The following LDLRAD4 variants were observed in gnomAD, a reference collection of about 807,000 sequenced individuals.
LDLRAD4 encodes the protein low density lipoprotein receptor class A domain containing 4.
A neutral mutation model predicts 17.0 loss-of-function variants in LDLRAD4; 5 were observed. The ratio of observed to expected loss-of-function variants is 0.29; its 90% confidence interval spans 0.15 to 0.62. The LOEUF is 0.62. Among genes scored for constraint, LDLRAD4 ranks in the 20% least tolerant of loss-of-function variants. LDLRAD4 has a pLI of 0.84. For missense variants in LDLRAD4, 340 were observed against 424.7 expected (o/e 0.80, Z 1.75); for synonymous variants, 168 against 171.8 (o/e 0.98, Z 0.17).
intron 1 of LDLRAD4, among the ~76,000 whole-genome samples, chr18:13,244,567 G>A (rs1280842489): frequency 1.3e-5 from 2 of 152,140 alleles, no homozygotes; most frequent in Non-Finnish European, 2.9e-5. Context: ...TTATAATTAC[G>A]AATGAATCCT....
chr18:13,439,119 C>T (rs1257401937), intron 3 of LDLRAD4, among the ~76,000 whole-genome samples: 1 of 151,982 alleles, frequency 6.6e-6, no homozygotes, highest in Non-Finnish European at 1.5e-5. Context: ...GGCCGACCCT[C>T]CTCACACGGC....
chr18:13,509,894 A>G (rs1020862983), intron 3 of LDLRAD4, among the ~76,000 whole-genome samples: 1 of 152,218 alleles, frequency 6.6e-6, no homozygotes, highest in Admixed American at 6.5e-5. Flanking sequence ...TTACAACACA[A>G]TGAAGGCTCA....
chr18:13,224,408 G>C (rs1300008008), intron 1 of LDLRAD4, among the ~76,000 whole-genome samples: 1 of 151,424 alleles, frequency 6.6e-6, no homozygotes, highest in African/African-American at 2.4e-5. Flanking sequence ...CCCACCAGCT[G>C]TCTCTTCACT....
At chr18:13,320,094 A>G (rs1280933609) in intron 1 of LDLRAD4, among the ~76,000 whole-genome samples, 2 of 152,226 alleles carry the variant, frequency 1.3e-5, no homozygotes, top group African/African-American at 2.4e-5. Flanking sequence ...CCATCCTGAG[A>G]TTTCAACTTT....
chr18:13,446,139 C>G (rs1369634417), intron 3 of LDLRAD4, among the ~76,000 whole-genome samples: 1 of 152,108 alleles, frequency 6.6e-6, no homozygotes, highest in African/African-American at 2.4e-5. Flanking sequence ...CGAGTGCTCA[C>G]TGTTTACATG....
At position 13,390,894 on chromosome 18, in the gene LDLRAD4, C is replaced by T. The variant is rs368773155; in HGVS notation, c.40+3132C>T. ...CTGGGTCCCTGGAGACTTGGCTCAT[C>T]ATTTTTATTCTTGGTCTCCCTTCCC... On this transcript the variant is annotated intron_variant, in intron 2 of 5. Coordinates refer to ENST00000359446, the Ensembl canonical transcript of LDLRAD4. Among the ~76,000 whole-genome samples the T allele has an allele frequency of 3.9e-5, 6 of 152,282 alleles. No homozygotes were observed. In the East Asian group the frequency reaches 1.2e-3, roughly 29 times the overall value.
chr18:13,433,787 T>TTATAAATATTATAACC lies in LDLRAD4; in HGVS notation c.41-4456_41-4455insATAAATATTATAACCT, dbSNP rs1243282954. Among the ~76,000 whole-genome samples the TTATAAATATTATAACC allele has an allele frequency of 3.9e-5, 6 of 152,304 alleles. No homozygotes were observed. In the South Asian group the frequency reaches 1.2e-3, roughly 32 times the overall value. On this transcript the variant is annotated intron_variant, in intron 2 of 5. Coordinates refer to ENST00000359446, the Ensembl canonical transcript of LDLRAD4. ...GTTTTAGGGCTCCTAAAATTCCCTGTTTTTTCAAAGGTTATAAAATATTAG... is the reference window on the plus strand; with the variant it reads ...GTTTTAGGGCTCCTAAAATTCCCTGTTATAAATATTATAACCTTTTTCAAAGGTTATAAAATATTAG...
chr18:13,292,466 G>A (rs1186643476), intron 1 of LDLRAD4, among the ~76,000 whole-genome samples: 2 of 152,194 alleles, frequency 1.3e-5, no homozygotes, highest in South Asian at 2.1e-4. Context: ...TCTCCCATCC[G>A]TAGGCTGTGG....
chr18:13,529,998 G>C (rs1365851641), intron 3 of LDLRAD4, among the ~76,000 whole-genome samples: 2 of 152,196 alleles, frequency 1.3e-5, no homozygotes, highest in Non-Finnish European at 2.9e-5. Context: ...AATTTGAGGT[G>C]ACTAGGTGGT....
At chr18:13,617,105 T>TC (rs2040159683) in intron 3 of LDLRAD4, among the ~76,000 whole-genome samples, 1 of 126,566 alleles carries the variant, frequency 7.9e-6, no homozygotes, top group African/African-American at 3.7e-5. Context: ...GGGCCTTTAC[T>TC]TTTTTTTTTT....
chr18:13,320,270 A>C (rs1253389076), intron 1 of LDLRAD4, among the ~76,000 whole-genome samples: 2 of 152,270 alleles, frequency 1.3e-5, no homozygotes, highest in Non-Finnish European at 2.9e-5. Flanking sequence ...TCAAGATTGC[A>C]TTAGTCGTAT....
chr18:13,274,714 A>T (rs193199276), upstream of LDLRAD4, among the ~76,000 whole-genome samples: 324 of 152,354 alleles, frequency 2.1e-3, no homozygotes, highest in Non-Finnish European at 3.4e-3. Context: ...ATTGATTTAA[A>T]TATTTTCAAA....
rs543355714 is a variant in LDLRAD4 at position 13,220,272 on chromosome 18, T to C, written c.-467+1284T>C. Among the ~76,000 whole-genome samples the C allele has an allele frequency of 4.1e-4, 62 of 152,376 alleles. 1 individual carries two copies. The highest frequency in any genetic ancestry group is 2.4e-4 in the Non-Finnish European group (16 of 68,040). ...TAAGGGATTTGCTGTAATGGAATTG[T>C]AGCTACCTTCCTCCCTTGTTTTAAA... is the stretch of plus-strand genomic sequence containing the variant. On this transcript the variant is annotated intron_variant, in intron 1 of 5. Transcript: ENST00000399848.
upstream of LDLRAD4, among the ~76,000 whole-genome samples, chr18:13,275,281 G>T (rs1400771175): frequency 6.6e-6 from 1 of 152,220 alleles, no homozygotes; most frequent in Non-Finnish European, 1.5e-5. Flanking sequence ...AGATGCCAGA[G>T]AAGTGGCAAG....
intron 3 of LDLRAD4, among the ~76,000 whole-genome samples, chr18:13,617,203 G>A (rs1417373116): frequency 6.6e-6 from 1 of 152,016 alleles, no homozygotes; most frequent in South Asian, 2.1e-4. Context: ...CTCCCAAAGT[G>A]CTGAGATTCC....
intron 1 of LDLRAD4, among the ~76,000 whole-genome samples, chr18:13,303,745 A>C (rs2046743956): frequency 6.6e-6 from 1 of 151,928 alleles, no homozygotes; most frequent in Non-Finnish European, 1.5e-5. Context: ...AAGATGAAAA[A>C]CCCCCAAAAT....
chr18:13,642,165 A>G (rs1663692654), intron 4 of LDLRAD4: 2 of 985,352 alleles, frequency 2.0e-6, no homozygotes, highest in Non-Finnish European at 1.2e-6. Context: ...GTCCCCGAGT[A>G]TCTTAGGAAA....
At chr18:13,611,796 G>A in intron 3 of LDLRAD4, 2 of 985,736 alleles carry the variant, frequency 2.0e-6, no homozygotes, top group Non-Finnish European at 2.4e-6. Context: ...GCGAGCCGGG[G>A]GGAAAGGAGC....
chr18:13,430,169 C>G (rs11663519), intron 2 of LDLRAD4, among the ~76,000 whole-genome samples: 1 of 151,922 alleles, frequency 6.6e-6, no homozygotes, highest in Non-Finnish European at 1.5e-5. Flanking sequence ...CATTTTGGGG[C>G]CCACGTTTCT....
Sources: gnomAD v4.1 joint callset for allele counts (sites outside exome capture counted in the v4.1 genomes callset) on GRCh38, gnomAD v4.1.1 for gene constraint, MANE v1.5 for transcripts, NCBI Gene and HGNC (gene_info 2026-07-23, HGNC 2026-07-21) for gene names.